SP110: variants seen among roughly 807,000 people sequenced by gnomAD.
SP110 encodes the protein interferon-induced protein 41, 30kD.
In SP110, 62 loss-of-function variants were observed where a neutral mutation model predicts 92.7. That is an observed-to-expected ratio of 0.67 (90% CI 0.55 to 0.83). SP110 has a LOEUF of 0.83. Ranked by LOEUF, SP110 falls within the 40% of genes least tolerant of loss-of-function variation. The pLI is 0.00. For missense variants in SP110, 793 were observed against 863.9 expected (o/e 0.92, Z 1.03); for synonymous variants, 273 against 305.3 (o/e 0.89, Z 1.10).
intron 10 of SP110, among the ~76,000 whole-genome samples, chr2:230,195,828 G>A (rs1369645993): frequency 7.2e-5 from 11 of 151,916 alleles, no homozygotes; most frequent in South Asian, 2.1e-4. Flanking sequence ...AAAACACCCC[G>A]ACACTATTAA....
intron 15 of SP110, chr2:230,172,494 A>G (rs1210740552): frequency 1.1e-5 from 6 of 535,334 alleles, no homozygotes; most frequent in African/African-American, 1.9e-5. Flanking sequence ...ACCTGCAGGG[A>G]CCTCAGGCCT....
Position 230,208,120 on chromosome 2 carries a change from A to G in SP110, c.830-61T>C, listed in dbSNP as rs924154101. On this transcript the variant is annotated intron_variant, in intron 7 of 18. Coordinates refer to ENST00000258381, the MANE Select transcript of SP110 (RefSeq NM_080424.4). ...ATTGATCTCCCAATCTTGTATGTCAATGATATTCAGCTTTTACTTTTGGTC... is the reference window on the plus strand; with the variant it reads ...ATTGATCTCCCAATCTTGTATGTCAGTGATATTCAGCTTTTACTTTTGGTC... 28 of 965,588 alleles carry G rather than the reference A, an allele frequency of 2.9e-5. No homozygotes were observed. The Admixed American group carries it at 4.0e-4, about 14-fold the overall frequency. 59.8% of individuals were successfully genotyped at this position (965,588 alleles called of 1,614,324 possible).
In SP110 at chr2:230,219,912, G is replaced by C; in HGVS notation, c.-40C>G. 1.0e-6 allele frequency: 1 copy of C among 985,456 alleles called. No homozygotes were observed. 61.0% of individuals were successfully genotyped at this position (985,456 alleles called of 1,614,324 possible). A position where few individuals can be genotyped will look rare whatever the true frequency, so the allele number is the denominator to read the frequency against. ...TTGTCGTTCCTGCCCCTTTCCAGGGGCTGGGACAGGGATCACTCCTCAAGA... is the reference window on the plus strand; with the variant it reads ...TTGTCGTTCCTGCCCCTTTCCAGGGCCTGGGACAGGGATCACTCCTCAAGA... On this transcript the variant is annotated 5_prime_UTR_variant, in exon 1 of 19. Transcript: ENST00000258381.
intron 10 of SP110, among the ~76,000 whole-genome samples, chr2:230,188,745 T>A (rs1308809209): frequency 6.6e-6 from 1 of 152,096 alleles, no homozygotes; most frequent in Non-Finnish European, 1.5e-5. Flanking sequence ...TGAAATGATC[T>A]ATGGTTTTTA....
chr2:230,210,024 T>C lies in SP110; in HGVS notation c.752-16A>G. ...TCTCTTATCTCTGACAAAAGAAATA[T>C]AAGTCATTTCAGAGCTCAGATCCAG... is the stretch of plus-strand genomic sequence containing the variant. On this transcript the variant is annotated splice_polypyrimidine_tract_variant and intron_variant, in intron 6 of 18. Transcript: ENST00000258381. The C allele has an allele frequency of 6.6e-7, 1 of 1,511,256 alleles. No individual in the cohort carries two copies. The highest frequency in any genetic ancestry group is 9.2e-7 in the Non-Finnish European group (1 of 1,086,358). 93.6% of individuals were successfully genotyped at this position (1,511,256 alleles called of 1,614,324 possible).
chr2:230,166,187 T>C lies in SP110; in HGVS notation c.*2937A>G, dbSNP rs995914580. ...GATTACAGGCCTGAGCCACTGCGCC[T>C]GGCAGACCACCTATATTACTTTTAA... On this transcript the variant is annotated 3_prime_UTR_variant, in exon 19 of 19. Coordinates refer to ENST00000258381, the MANE Select transcript of SP110 (RefSeq NM_080424.4). 3.3e-5 allele frequency among the ~76,000 whole-genome samples: 5 copies of C among 152,212 alleles called. No individual in the cohort carries two copies. Among genetic ancestry groups the C allele is most frequent in the African/African-American group, 1.2e-4 (5 of 41,456 alleles).
intron 10 of SP110, among the ~76,000 whole-genome samples, chr2:230,193,197 G>C (rs1000325234): frequency 6.6e-6 from 1 of 152,090 alleles, no homozygotes; most frequent in Non-Finnish European, 1.5e-5. Flanking sequence ...GTTTCCATTT[G>C]CATGGAATAT....
intron 10 of SP110, among the ~76,000 whole-genome samples, chr2:230,186,565 A>G (rs1427766846): frequency 6.6e-6 from 1 of 152,190 alleles, no homozygotes; most frequent in Non-Finnish European, 1.5e-5. Context: ...ACATGGATGA[A>G]TTATATAATG....
At chr2:230,208,684 T>C (rs1003059001) in intron 7 of SP110, among the ~76,000 whole-genome samples, 1 of 152,130 alleles carries the variant, frequency 6.6e-6, no homozygotes, top group Non-Finnish European at 1.5e-5. Context: ...GGAAGTAGCA[T>C]TGTCACACAG....
chr2:230,205,829 G>A (rs1024785844), intron 8 of SP110, among the ~76,000 whole-genome samples: 4 of 152,318 alleles, frequency 2.6e-5, no homozygotes, highest in Admixed American at 6.5e-5. Flanking sequence ...AGTTGAAGAC[G>A]TAGAGTTGGG....
chr2:230,186,129 C>T lies in SP110; in HGVS notation c.1144G>A (p.Gly382Arg). ...RRVTQGAASP[G>R]HGIQEKLQVV... ...TGGAGCTTCTCTTGGATGCCATGCC[C>T]AGGTGAGGCTGCCCCTGGACCAAAT... The change falls in exon 11 of 19, where the codon GGG becomes AGG. Residue 382 changes from glycine to arginine, a missense_variant. Gly to Arg is a moderately radical substitution (Grantham distance 125). Transcript: ENST00000258381. 6.2e-7 allele frequency: 1 copy of T among 1,614,126 alleles called. No homozygotes were observed. Among genetic ancestry groups the T allele is most frequent in the African/African-American group, 1.3e-5 (1 of 75,032 alleles).
At chr2:230,222,442 TG>T (rs1447587055), upstream of SP110, among the ~76,000 whole-genome samples, 1 of 152,178 alleles carries the variant, frequency 6.6e-6, no homozygotes, top group Non-Finnish European at 1.5e-5. Context: ...TTTCTAGGCC[TG>T]GAGAGTCGCT....
Position 230,219,978 on chromosome 2 carries a change from A to ATTCC in SP110, c.-107_-106insGGAA, listed in dbSNP as rs2045661135. The ATTCC allele has an allele frequency of 9.1e-6, 9 of 985,592 alleles. No individual in the cohort carries two copies. Among genetic ancestry groups the ATTCC allele is most frequent in the Non-Finnish European group, 1.1e-5 (9 of 829,948 alleles). The allele number at this position is 985,592 out of a possible 1,614,324, so 61.1% of individuals were successfully genotyped here. A position where few individuals can be genotyped will look rare whatever the true frequency, so the allele number is the denominator to read the frequency against. Reference sequence around the variant, plus strand: ...GGAGATGCTAGCAGGCAAAACAGGAAGTCTGTGCTTTGACAAACGCAGTAA... The same window carrying ATTCC: ...GGAGATGCTAGCAGGCAAAACAGGAATTCCGTCTGTGCTTTGACAAACGCAGTAA... On this transcript the variant is annotated 5_prime_UTR_variant, in exon 1 of 19. Coordinates refer to ENST00000258381, the MANE Select transcript of SP110 (RefSeq NM_080424.4).
chr2:230,213,169 G>A, intron 3 of SP110, 142 bp from the exon 4 acceptor site: 1 of 805,518 alleles, frequency 1.2e-6, no homozygotes, highest in Non-Finnish European at 2.1e-6. Flanking sequence ...CTGATTCATT[G>A]TCATCATTAT....
At chr2:230,173,071 C>A in intron 14 of SP110, 112 bp from the exon 15 acceptor site, 1 of 750,010 alleles carries the variant, frequency 1.3e-6, no homozygotes, top group Non-Finnish European at 2.4e-6. Context: ...GATATCCAAA[C>A]CCAATTTTTG....
At chr2:230,212,539 G>A (rs574652841) in intron 4 of SP110, 109 bp from the exon 5 acceptor site, 2 of 1,073,992 alleles carry the variant, frequency 1.9e-6, no homozygotes, top group South Asian at 2.5e-5. Flanking sequence ...CAAGGGCAGA[G>A]GGTTGGAATG....
intron 4 of SP110, 35 bp downstream of exon 4, chr2:230,212,726 G>A: frequency 6.2e-7 from 1 of 1,612,896 alleles, no homozygotes; most frequent in Non-Finnish European, 8.5e-7. Context: ...CTTAGGCTGA[G>A]GATATACAGG....
chr2:230,181,095 G>A (rs1218514929), intron 12 of SP110, among the ~76,000 whole-genome samples: 1 of 152,220 alleles, frequency 6.6e-6, no homozygotes, highest in African/African-American at 2.4e-5. Context: ...GTTGTGCCCT[G>A]AGCAAGGACT....
At chr2:230,188,831 C>T (rs1391055851) in intron 10 of SP110, among the ~76,000 whole-genome samples, 3 of 152,170 alleles carry the variant, frequency 2.0e-5, no homozygotes, top group Non-Finnish European at 2.9e-5. Context: ...ATTAAATCCA[C>T]TTGATCATGG....
Sources: gnomAD v4.1 joint callset for allele counts (sites outside exome capture counted in the v4.1 genomes callset) on GRCh38, gnomAD v4.1.1 for gene constraint, MANE v1.5 for transcripts, NCBI Gene and HGNC (gene_info 2026-07-23, HGNC 2026-07-21) for gene names.